Variants in PCDH1 observed in about 807,000 individuals in gnomAD.
The protein encoded by PCDH1 is protocadherin 1.
A neutral mutation model predicts 74.6 loss-of-function variants in PCDH1; 23 were observed. That is an observed-to-expected ratio of 0.31 (90% CI 0.22 to 0.44). The LOEUF is 0.44. PCDH1 is among the 20% of genes least tolerant of loss of function. The pLI is 1.00. For missense variants in PCDH1, 1,214 were observed against 1,641.4 expected (o/e 0.74, Z 4.50); for synonymous variants, 647 against 686.1 (o/e 0.94, Z 0.89).
In PCDH1 at chr5:141,864,075, C is replaced by G; in HGVS notation, c.2256G>C (p.Leu752=). ...GGTTGCCACCTGCAATGCTGTAGATCAGCTCAGCATTGACACCAGAGTCAA... is the reference window on the plus strand; with the variant it reads ...GGTTGCCACCTGCAATGCTGTAGATGAGCTCAGCATTGACACCAGAGTCAA... ...EDFDSGVNAE[L]IYSIAGGNPY... Residue 752 remains leucine (L), a synonymous_variant, in exon 3 of 5, where the codon CTG becomes CTC. Transcript: ENST00000287008. This position sits in a 1 kb window ranked among gnomAD's most constrained non-coding sequence, Gnocchi z 5.9. 1 of 1,613,554 alleles carries G rather than the reference C, an allele frequency of 6.2e-7. No homozygotes were observed. Among genetic ancestry groups the G allele is most frequent in the African/African-American group, 1.3e-5 (1 of 75,038 alleles).
rs182658984 is a variant in PCDH1, at chr5:141,864,251, G to A, written c.2080C>T (p.Pro694Ser). The part of the protein sequence containing the change: ...QLKAVDGGVP[P>S]RSAYVGVTIN... The stretch of plus-strand genomic sequence containing the variant: ...GTGACACCAACGTAAGCTGAGCGAG[G>A]TGGGACGCCACCATCCACTGCCTTC... Residue 694 changes from proline to serine, a missense_variant, in exon 3 of 5, where the codon CCT (proline) becomes TCT (serine). By Grantham distance (74) the Pro-to-Ser change is moderately conservative. Coordinates refer to ENST00000287008, the MANE Select transcript of PCDH1 (RefSeq NM_032420.5). The surrounding 1 kb of genome is among the most constrained non-coding windows in gnomAD (Gnocchi z 5.9). The A allele has an allele frequency of 1.2e-6, 2 of 1,611,722 alleles. No individual in the cohort carries two copies. The highest frequency in any genetic ancestry group is 4.5e-5 in the East Asian group (2 of 44,790).
chr5:141,855,550 C>T (rs1447700639), intron 4 of PCDH1, among the ~76,000 whole-genome samples: 1 of 152,208 alleles, frequency 6.6e-6, no homozygotes, highest in Non-Finnish European at 1.5e-5. Flanking sequence ...CCTCTATCCT[C>T]AGATGAAATT....
chr5:141,855,954 A>ACCC (rs34330177), intron 4 of PCDH1, among the ~76,000 whole-genome samples: 87 of 148,912 alleles, frequency 5.8e-4, no homozygotes, highest in Non-Finnish European at 1.1e-3. Flanking sequence ...CCAGGCAGTG[A>ACCC]CCCCCCCCCA....
rs563219854 is a variant in PCDH1 at position 141,878,275 on chromosome 5, G to T, written c.-13C>A. ...CCCCGCTGTCCATGAGCCGCCGCCG[G>T]CCCCGGCCTGGGCTGCGGCTCCGCA... On this transcript the variant is annotated 5_prime_UTR_variant, in exon 1 of 5. Coordinates refer to ENST00000287008, the MANE Select transcript of PCDH1 (RefSeq NM_032420.5). The surrounding 1 kb of genome is among the most constrained non-coding windows in gnomAD (Gnocchi z 5.5). 2 of 1,287,656 alleles carry T rather than the reference G, an allele frequency of 1.6e-6. No homozygotes were observed. Among genetic ancestry groups the T allele is most frequent in the East Asian group, 3.4e-5 (1 of 29,804 alleles). The allele number at this position is 1,287,656 out of a possible 1,614,324, so 79.8% of individuals were successfully genotyped here. A position where few individuals can be genotyped will look rare whatever the true frequency, so the allele number is the denominator to read the frequency against.
intron 1 of PCDH1, among the ~76,000 whole-genome samples, chr5:141,875,204 T>C (rs1240644666): frequency 6.6e-6 from 1 of 152,228 alleles, no homozygotes; most frequent in African/African-American, 2.4e-5. Flanking sequence ...CATTTTTTTT[T>C]CTAAGTCTTC....
chr5:141,854,206 G>A lies in PCDH1; in HGVS notation c.3550C>T (p.Pro1184Ser). The change falls in exon 5 of 5, where the codon CCC becomes TCC. Residue 1184 changes from proline to serine, a missense_variant. This residue lies in a region of PCDH1 where 194 missense variants were observed against 198.3 expected (regional missense o/e 0.98). Transcript: ENST00000287008. ...PPEDRNTKTAPVRLLPSYSAF... is the reference protein window; with the variant it reads ...PPEDRNTKTASVRLLPSYSAF... Reference sequence around the variant, plus strand: ...CTGTAGGAGGGCAGGAGGCGCACGGGGGCCGTTTTGGTGTTCCGGTCTTCC... The same window carrying A: ...CTGTAGGAGGGCAGGAGGCGCACGGAGGCCGTTTTGGTGTTCCGGTCTTCC... 1 of 1,610,480 alleles carries A rather than the reference G, an allele frequency of 6.2e-7. No homozygotes were observed. Among genetic ancestry groups the A allele is most frequent in the Non-Finnish European group, 8.5e-7 (1 of 1,177,740 alleles).
rs14359 is a variant in PCDH1, at chr5:141,863,068, C to A, written c.3099+164G>T. 7.3e-7 allele frequency: 1 copy of A among 1,364,926 alleles called. No homozygotes were observed. 84.6% of individuals were successfully genotyped at this position (1,364,926 alleles called of 1,614,324 possible). A position where few individuals can be genotyped will look rare whatever the true frequency, so the allele number is the denominator to read the frequency against. On this transcript the variant is annotated intron_variant, in intron 3 of 4. Coordinates refer to ENST00000287008, the MANE Select transcript of PCDH1 (RefSeq NM_032420.5). The surrounding 1 kb of genome is among the most constrained non-coding windows in gnomAD (Gnocchi z 7.5). ...CTTCACTCAGCCTAATCCGTGTGCC[C>A]GGTGAGGCACTAAGGCCCCACCTCC...
intron 3 of PCDH1, among the ~76,000 whole-genome samples, chr5:141,858,150 G>T (rs1752429188): frequency 6.6e-6 from 1 of 152,106 alleles, no homozygotes; most frequent in Non-Finnish European, 1.5e-5. Context: ...GGTTTGTGAT[G>T]TTGCAGCAGT....
chr5:141,868,508 G>T lies in PCDH1; in HGVS notation c.903+61C>A. On this transcript the variant is annotated intron_variant, in intron 2 of 4. Coordinates refer to ENST00000287008, the MANE Select transcript of PCDH1 (RefSeq NM_032420.5). This position sits in a 1 kb window ranked among gnomAD's most constrained non-coding sequence, Gnocchi z 4.8. Reference sequence around the variant, plus strand: ...AAGTGAAGGGAACTCTCACCTGGTTGGGTGGGCTCCCATTTCTAGTGGTGG... The same window carrying T: ...AAGTGAAGGGAACTCTCACCTGGTTTGGTGGGCTCCCATTTCTAGTGGTGG... 6.6e-7 allele frequency: 1 copy of T among 1,511,258 alleles called. No individual in the cohort carries two copies. Among genetic ancestry groups the T allele is most frequent in the South Asian group, 1.4e-5 (1 of 72,692 alleles). The allele number at this position is 1,511,258 out of a possible 1,614,324, so 93.6% of individuals were successfully genotyped here.
chr5:141,867,651 C>T, intron 2 of PCDH1: 1 of 444,252 alleles, frequency 2.3e-6, no homozygotes, highest in Non-Finnish European at 4.5e-6. Flanking sequence ...TCCCACCCAT[C>T]TCCCACTTTG....
chr5:141,876,501 T>C lies in PCDH1; in HGVS notation c.40+1722A>G, dbSNP rs140620457. Among the ~76,000 whole-genome samples the C allele has an allele frequency of 3.9e-3, 591 of 152,284 alleles. 2 individuals carry two copies. The highest frequency in any genetic ancestry group is 6.1e-3 in the Admixed American group (93 of 15,302). On this transcript the variant is annotated intron_variant, in intron 1 of 4. Coordinates refer to ENST00000287008, the MANE Select transcript of PCDH1 (RefSeq NM_032420.5). Reference sequence around the variant, plus strand: ...TCTCGTGGCGAGCAGAGGGGGTTTTTTGCCCTACGCTCAATCCTCCAAGGC... The same window carrying C: ...TCTCGTGGCGAGCAGAGGGGGTTTTCTGCCCTACGCTCAATCCTCCAAGGC...
intron 2 of PCDH1, chr5:141,866,022 G>A: frequency 6.1e-6 from 6 of 987,764 alleles, no homozygotes; most frequent in Non-Finnish European, 7.2e-6. Context: ...GTGTGAGAAG[G>A]TATATGTGTT....
rs1314183592 is a variant in PCDH1, at chr5:141,864,853, T to G, written c.1478A>C (p.Lys493Thr). The change falls in exon 3 of 5, where the codon AAG becomes ACG. Residue 493 changes from lysine (K) to threonine (T), a missense_variant. By Grantham distance (78) the Lys-to-Thr change is moderately conservative. Transcript: ENST00000287008. The surrounding 1 kb of genome is among the most constrained non-coding windows in gnomAD (Gnocchi z 5.9). ...NPPLSSTNSL[K>T]VQVVDVNDNA... Reference sequence around the variant, plus strand: ...GTCATTGACGTCCACCACCTGCACCTTGAGGGAGTTAGTGCTGGAGAGTGG... The same window carrying G: ...GTCATTGACGTCCACCACCTGCACCGTGAGGGAGTTAGTGCTGGAGAGTGG... 4 of 1,614,198 alleles carry G rather than the reference T, an allele frequency of 2.5e-6. No homozygotes were observed. Among genetic ancestry groups the G allele is most frequent in the Non-Finnish European group, 3.4e-6 (4 of 1,180,026 alleles).
At chr5:141,871,560 C>T (rs1221877621) in intron 1 of PCDH1, among the ~76,000 whole-genome samples, 1 of 152,188 alleles carries the variant, frequency 6.6e-6, no homozygotes, top group African/African-American at 2.4e-5. Flanking sequence ...CTACCTATTT[C>T]CTAGGGTGTT....
Position 141,864,795 on chromosome 5 carries a change from C to T in PCDH1, c.1536G>A (p.Glu512=), listed in dbSNP as rs370294963. 5.9e-5 allele frequency: 95 copies of T among 1,614,020 alleles called. No individual in the cohort carries two copies. The Middle Eastern group carries it at 2.3e-3, about 39-fold the overall frequency. ...NAPVFTQSVT[E]VAFPENNKPG... is the part of the protein sequence containing the mutation. ...GCTTGTTGTTTTCCGGGAAGGCGAC[C>T]TCAGTGACACTCTGAGTGAAGACAG... The change falls in exon 3 of 5, where the codon GAG becomes GAA. Residue 512 remains glutamate (E), a synonymous_variant. Transcript: ENST00000287008. The surrounding 1 kb of genome is among the most constrained non-coding windows in gnomAD (Gnocchi z 5.9).
chr5:141,869,283 C>T lies in PCDH1; in HGVS notation c.189G>A (p.Lys63=), dbSNP rs1753014109. Residue 63 remains lysine (K), a synonymous_variant, in exon 2 of 5, where the codon AAG becomes AAA. Coordinates refer to ENST00000287008, the MANE Select transcript of PCDH1 (RefSeq NM_032420.5). The surrounding 1 kb of genome is among the most constrained non-coding windows in gnomAD (Gnocchi z 4.9). The stretch of plus-strand genomic sequence containing the variant: ...TGTTGGGTGGCTGTTCCTCCGGCAC[C>T]TTGTACACTACCCGAGTGGCGTGGC... ...SPGHATRVVY[K]VPEEQPPNTL... is the part of the protein sequence containing the mutation. 1.2e-6 allele frequency: 2 copies of T among 1,608,506 alleles called. No individual in the cohort carries two copies. The highest frequency in any genetic ancestry group is 2.7e-5 in the African/African-American group (2 of 74,944).
chr5:141,865,508 A>T lies in PCDH1; in HGVS notation c.904-81T>A. ...CAAATAAAGGGGCACACATGCTGCC[A>T]ATGTCCTTTCCAACAAGCATGGCAG... On this transcript the variant is annotated intron_variant, in intron 2 of 4. Transcript: ENST00000287008. The surrounding 1 kb of genome is among the most constrained non-coding windows in gnomAD (Gnocchi z 4.4). 1 of 1,460,540 alleles carries T rather than the reference A, an allele frequency of 6.8e-7. No homozygotes were observed. 90.5% of individuals were successfully genotyped at this position (1,460,540 alleles called of 1,614,324 possible).
At position 141,854,080 on chromosome 5, in the gene PCDH1, C is replaced by G. The variant is rs1320364118; in HGVS notation, c.3676G>C (p.Ala1226Pro). Residue 1226 changes from alanine (A) to proline (P), a missense_variant, in exon 5 of 5, where the codon GCA becomes CCA. Around this residue, in one of 4 missense-constraint regions of PCDH1, gnomAD observed 194 missense variants for 198.3 expected, o/e 0.98. Coordinates refer to ENST00000287008, the MANE Select transcript of PCDH1 (RefSeq NM_032420.5). Reference protein sequence around the residue: ...TSDFPPAATPASAQTAKREIY... With the variant: ...TSDFPPAATPPSAQTAKREIY... Reference sequence around the variant, plus strand: ...TCGCGCTTGGCCGTCTGGGCAGATGCCGGTGTGGCTGCGGGTGGGAAGTCC... The same window carrying G: ...TCGCGCTTGGCCGTCTGGGCAGATGGCGGTGTGGCTGCGGGTGGGAAGTCC... 1.3e-6 allele frequency: 2 copies of G among 1,531,954 alleles called. No individual in the cohort carries two copies. The highest frequency in any genetic ancestry group is 1.4e-5 in the African/African-American group (1 of 72,468). 94.9% of individuals were successfully genotyped at this position (1,531,954 alleles called of 1,614,324 possible).
At position 141,854,452 on chromosome 5, in the gene PCDH1, G is replaced by A; in HGVS notation, c.3320-16C>T. The A allele has an allele frequency of 6.3e-7, 1 of 1,582,764 alleles. No homozygotes were observed. Among genetic ancestry groups the A allele is most frequent in the Non-Finnish European group, 8.6e-7 (1 of 1,162,986 alleles). Reference sequence around the variant, plus strand: ...GGGCGAAGGTCTGTAGGAGGGAGCGGGGAAGGACAATTGTCAGACATACAG... The same window carrying A: ...GGGCGAAGGTCTGTAGGAGGGAGCGAGGAAGGACAATTGTCAGACATACAG... On this transcript the variant is annotated splice_polypyrimidine_tract_variant and intron_variant, in intron 4 of 4. Transcript: ENST00000287008.
Sources: allele counts gnomAD v4.1 joint callset (sites outside exome capture counted in the v4.1 genomes callset), GRCh38; gene constraint gnomAD v4.1.1; regional missense constraint gnomAD v4.1.1; non-coding constraint Gnocchi (gnomAD v3.1); transcripts MANE v1.5; gene names NCBI Gene and HGNC (gene_info 2026-07-23, HGNC 2026-07-21).